The following NDNF variants were observed in gnomAD, a reference collection of about 807,000 sequenced individuals.
NDNF encodes protein NDNF.
A neutral mutation model predicts 42.0 loss-of-function variants in NDNF; 16 were observed. That is an observed-to-expected ratio of 0.38 (90% confidence interval 0.26 to 0.58). NDNF has a LOEUF of 0.58. Among genes scored for constraint, NDNF ranks in the 20% least tolerant of loss-of-function variants. NDNF has a pLI of 0.67. For synonymous variants in NDNF, 248 were observed against 251.7 expected, an observed-to-expected ratio of 0.99 and a Z score of 0.14; for missense variants, 616 against 666.2, an observed-to-expected ratio of 0.92 and a Z score of 0.83.
chr4:121,036,726 A>G lies in NDNF; in HGVS notation c.1245T>C (p.Ala415=). ...QQFQLRGKPK[A]KYLVRLKGNK... ...TTCCTTTCAGTCGAACGAGGTATTT[A>G]GCTTTAGGTTTTCCTCTAAGCTGAA... The change falls in exon 4 of 4, where the codon GCT becomes GCC. Residue 415 remains alanine (A), a synonymous_variant. Transcript: ENST00000379692. The G allele has an allele frequency of 3.1e-6, 5 of 1,614,100 alleles. No individual in the cohort carries two copies. The highest frequency in any genetic ancestry group is 4.2e-6 in the Non-Finnish European group (5 of 1,180,010).
intron 1 of NDNF, among the ~76,000 whole-genome samples, chr4:121,055,647 T>C (rs995012907): frequency 1.3e-5 from 2 of 151,328 alleles, no homozygotes; most frequent in African/African-American, 4.8e-5. Context: ...TCTCTTTAAA[T>C]GATGAGAAAC....
intron 1 of NDNF, among the ~76,000 whole-genome samples, chr4:121,059,011 AGCAAGTGCC>A (rs1727351349): frequency 6.6e-6 from 1 of 151,898 alleles, no homozygotes; most frequent in East Asian, 1.9e-4. Flanking sequence ...TCATATTCCC[AGCAAGTGCC>A]TCTAGCCTGG....
intron 3 of NDNF, among the ~76,000 whole-genome samples, chr4:121,039,542 G>A (rs939656987): frequency 6.6e-6 from 1 of 151,870 alleles, no homozygotes; most frequent in African/African-American, 2.4e-5. Context: ...GGGGAGTGTG[G>A]CTAAAAATCC....
intron 1 of NDNF, among the ~76,000 whole-genome samples, chr4:121,059,456 G>A (rs1385795542): frequency 6.6e-6 from 1 of 152,148 alleles, no homozygotes; most frequent in Non-Finnish European, 1.5e-5. Flanking sequence ...ATATATAATA[G>A]GCTATTGTGT....
chr4:121,070,990 TG>T (rs538494327), intron 1 of NDNF, among the ~76,000 whole-genome samples: 91 of 152,240 alleles, frequency 6.0e-4, no homozygotes, highest in African/African-American at 2.1e-3. Context: ...CGCCTGGGCC[TG>T]GGATAGGGTG....
chr4:121,039,184 G>GTA (rs1726943585), intron 3 of NDNF, among the ~76,000 whole-genome samples: 1 of 15,850 alleles, frequency 6.3e-5, no homozygotes, highest in Non-Finnish European at 2.8e-4. Flanking sequence ...GACTATGTGT[G>GTA]TGTGTGTGTA....
intron 1 of NDNF, among the ~76,000 whole-genome samples, chr4:121,049,218 T>C (rs1295198990): frequency 2.0e-5 from 3 of 152,248 alleles, no homozygotes; most frequent in Non-Finnish European, 4.4e-5. Context: ...CTGTGTTTGC[T>C]TTTGCAAGTA....
chr4:121,051,917 C>T (rs1397374666), intron 1 of NDNF, among the ~76,000 whole-genome samples: 1 of 152,156 alleles, frequency 6.6e-6, no homozygotes, highest in African/African-American at 2.4e-5. Flanking sequence ...GCAATTCAAA[C>T]AATTGCAAAT....
chr4:121,036,634 G>A lies in NDNF; in HGVS notation c.1337C>T (p.Ser446Phe). Residue 446 changes from serine to phenylalanine, a missense_variant, in exon 4 of 4, where the codon TCT (serine) becomes TTT (phenylalanine). Ser to Phe is a radical substitution (Grantham distance 155). Transcript: ENST00000379692. ...TTRPTKQSFP[S>F]LPEDTRIKAF... ...TTTGATTCTTGTGTCTTCAGGAAGA[G>A]AGGGAAATGACTGCTTAGTAGGCCT... The A allele has an allele frequency of 6.2e-7, 1 of 1,614,184 alleles. No individual in the cohort carries two copies. Among genetic ancestry groups the A allele is most frequent in the Non-Finnish European group, 8.5e-7 (1 of 1,180,016 alleles).
chr4:121,040,705 T>C (rs966963192), intron 2 of NDNF, among the ~76,000 whole-genome samples: 2 of 152,206 alleles, frequency 1.3e-5, no homozygotes, highest in African/African-American at 4.8e-5. Flanking sequence ...TGCAGTGGCG[T>C]GGTCATAGCT....
At chr4:121,039,180 GTGTGTGTGTGTGTA>G (rs374736222) in intron 3 of NDNF, among the ~76,000 whole-genome samples, 149 of 7,764 alleles carry the variant, frequency 0.019, 4 homozygotes, top group African/African-American at 0.034. Context: ...TAAAGACTAT[GTGTGTGTGTGTGTA>G]TATATATATA....
rs758168796 is a variant in NDNF at position 121,036,900 on chromosome 4, C to A, written c.1071G>T (p.Arg357Ser). ...DGKITDVFVK[R>S]KGAKFLRFAP... is the part of the protein sequence containing the mutation. The stretch of plus-strand genomic sequence containing the variant: ...CAAACCGTAGAAACTTTGCTCCCTT[C>A]CTTTTAACAAATACATCTGTTATCT... Residue 357 changes from arginine (R) to serine (S), a missense_variant, in exon 4 of 4, where the codon AGG becomes AGT. Physicochemically the swap from Arg to Ser is moderately radical, Grantham distance 110 (BLOSUM62 -1). Coordinates refer to ENST00000379692, the MANE Select transcript of NDNF (RefSeq NM_024574.4). The A allele has an allele frequency of 6.8e-6, 11 of 1,613,846 alleles. No individual in the cohort carries two copies. The highest frequency in any genetic ancestry group is 2.7e-5 in the African/African-American group (2 of 74,888).
intron 1 of NDNF, among the ~76,000 whole-genome samples, chr4:121,049,278 G>T (rs1471979211): frequency 1.3e-5 from 2 of 152,168 alleles, no homozygotes; most frequent in African/African-American, 4.8e-5. Flanking sequence ...TCTTTTCAAG[G>T]ATATTTGTAT....
At chr4:121,047,137 A>G (rs1309843544) in intron 1 of NDNF, among the ~76,000 whole-genome samples, 1 of 152,224 alleles carries the variant, frequency 6.6e-6, no homozygotes, top group Non-Finnish European at 1.5e-5. Flanking sequence ...TTTTAATTTT[A>G]TCTTTCTTTG....
intron 1 of NDNF, among the ~76,000 whole-genome samples, chr4:121,071,173 G>A (rs1398894683): frequency 6.6e-6 from 1 of 152,140 alleles, no homozygotes; most frequent in East Asian, 1.9e-4. Context: ...GCGGGTGAGA[G>A]CGAACCCCAA....
intron 1 of NDNF, among the ~76,000 whole-genome samples, chr4:121,064,581 A>G (rs971321002): frequency 2.6e-5 from 4 of 152,320 alleles, no homozygotes; most frequent in African/African-American, 9.6e-5. Context: ...ATACCTCTAC[A>G]AATAACAGAA....
intron 1 of NDNF, among the ~76,000 whole-genome samples, chr4:121,066,586 G>C (rs913822982): frequency 1.3e-5 from 2 of 152,148 alleles, no homozygotes; most frequent in African/African-American, 4.8e-5. Flanking sequence ...TGTCTGTCTT[G>C]TATATACCAA....
At chr4:121,069,530 A>T (rs1184770869) in intron 1 of NDNF, among the ~76,000 whole-genome samples, 1 of 152,190 alleles carries the variant, frequency 6.6e-6, no homozygotes, top group Non-Finnish European at 1.5e-5. Context: ...CTTTTTTATG[A>T]TAGTTACTAA....
intron 2 of NDNF, among the ~76,000 whole-genome samples, chr4:121,044,965 C>T (rs1296498026): frequency 1.3e-5 from 2 of 152,186 alleles, no homozygotes; most frequent in African/African-American, 4.8e-5. Flanking sequence ...GACCTTGTCT[C>T]AGAAACAAAA....
Sources: allele counts gnomAD v4.1 joint callset (sites outside exome capture counted in the v4.1 genomes callset), GRCh38; gene constraint gnomAD v4.1.1; transcripts MANE v1.5; gene names NCBI Gene and HGNC (gene_info 2026-07-23, HGNC 2026-07-21).